Variants in EYS observed in about 807,000 individuals in gnomAD.
EYS encodes the protein protein eyes shut homolog.
In EYS, 250 loss-of-function variants were observed where a neutral mutation model predicts 282.1. The observed-to-expected ratio is 0.89, with a 90% CI of 0.80 to 0.98. The LOEUF is 0.98. Among genes scored for constraint, EYS ranks in the 50% least tolerant of loss-of-function variants. The probability of loss-of-function intolerance (pLI) is 0.00; values close to 1 mark genes in which losing one functional copy is unlikely to be tolerated. For synonymous variants in EYS, 1,355 were observed against 1,282.9 expected, an observed-to-expected ratio of 1.06 and a Z score of -1.20; for missense variants, 4,016 against 3,709.0, an observed-to-expected ratio of 1.08 and a Z score of -2.15.
At chr6:65,078,179 G>T (rs969807281) in intron 12 of EYS, among the ~76,000 whole-genome samples, 1 of 152,004 alleles carries the variant, frequency 6.6e-6, no homozygotes, top group East Asian at 1.9e-4. Flanking sequence ...TATTCTAGTA[G>T]TCTCACATAT....
chr6:65,592,935 A>G (rs967207086), intron 2 of EYS, among the ~76,000 whole-genome samples: 2 of 152,026 alleles, frequency 1.3e-5, no homozygotes, highest in African/African-American at 4.8e-5. Context: ...GCACAACATT[A>G]TGGACAACAG....
chr6:65,435,050 C>T (rs1480073519), intron 5 of EYS, among the ~76,000 whole-genome samples: 2 of 151,568 alleles, frequency 1.3e-5, no homozygotes, highest in African/African-American at 4.8e-5. Context: ...ATTAATATCA[C>T]ACATCTAAAG....
intron 29 of EYS, among the ~76,000 whole-genome samples, chr6:64,385,621 CT>C (rs1427166945): frequency 6.6e-6 from 1 of 152,150 alleles, no homozygotes; most frequent in Non-Finnish European, 1.5e-5. Context: ...GAGAAAAAGT[CT>C]TTCGAAATTT....
Position 64,439,250 on chromosome 6 carries a change from G to A in EYS, c.5747C>T (p.Ser1916Phe), listed in dbSNP as rs1263284113. The A allele has an allele frequency of 7.3e-6, 11 of 1,512,988 alleles. No homozygotes were observed. The South Asian group carries it at 1.3e-4, about 18-fold the overall frequency. 93.7% of individuals were successfully genotyped at this position (1,512,988 alleles called of 1,614,324 possible). Residue 1916 changes from serine to phenylalanine, a missense_variant, in exon 27 of 43, where the codon TCC (serine) becomes TTC (phenylalanine). Ser to Phe is a radical substitution (Grantham distance 155, BLOSUM62 -2). Coordinates refer to ENST00000503581, the MANE Select transcript of EYS (RefSeq NM_001142800.2). ...CTTGACATACAGCAGAAGTCCATAG[G>A]AGCTGAAGGTCTGAAATTCTAGGGA... The part of the protein sequence containing the change: ...NISLEFQTFS[S>F]YGLLLYVKQD...
chr6:63,970,594 C>T (rs947768372), intron 35 of EYS, among the ~76,000 whole-genome samples: 35 of 150,944 alleles, frequency 2.3e-4, no homozygotes, highest in Non-Finnish European at 4.4e-4. Flanking sequence ...GAGATCACAC[C>T]GCTGCACTCC....
intron 12 of EYS, among the ~76,000 whole-genome samples, chr6:65,106,543 G>T (rs1049666033): frequency 2.0e-5 from 3 of 152,000 alleles, no homozygotes; most frequent in African/African-American, 4.8e-5. Flanking sequence ...ATACCTACGT[G>T]AGCATTAAAG....
intron 35 of EYS, among the ~76,000 whole-genome samples, chr6:63,881,180 C>A (rs940687726): frequency 6.6e-6 from 1 of 152,134 alleles, no homozygotes; most frequent in Non-Finnish European, 1.5e-5. Context: ...TTGGGGGGAT[C>A]GTTTTAAGCT....
At chr6:65,162,615 T>A (rs1561997959) in intron 12 of EYS, among the ~76,000 whole-genome samples, 1 of 150,974 alleles carries the variant, frequency 6.6e-6, no homozygotes, top group Non-Finnish European at 1.5e-5. Context: ...TATTTTATTT[T>A]ATTTTTTTGG....
intron 22 of EYS, among the ~76,000 whole-genome samples, chr6:64,789,832 G>T (rs746399936): frequency 1.5e-4 from 23 of 151,518 alleles, no homozygotes; most frequent in Non-Finnish European, 2.7e-4. Context: ...TATCTGATAA[G>T]CCAGCATCCA....
chr6:64,338,416 C>T (rs1437865059), intron 29 of EYS, among the ~76,000 whole-genome samples: 2 of 151,746 alleles, frequency 1.3e-5, no homozygotes. Flanking sequence ...AGGAATATAC[C>T]TAACCAAGGA....
chr6:64,664,062 A>G (rs1050052315), intron 22 of EYS, among the ~76,000 whole-genome samples: 1 of 152,224 alleles, frequency 6.6e-6, no homozygotes, highest in African/African-American at 2.4e-5. Context: ...AGTAAGCGGC[A>G]GGTCTGCAAC....
At chr6:65,046,475 C>T (rs1773104558) in intron 13 of EYS, among the ~76,000 whole-genome samples, 1 of 151,786 alleles carries the variant, frequency 6.6e-6, no homozygotes, top group Admixed American at 6.6e-5. Context: ...CTTCTATGAA[C>T]TTTTTTCTTC....
chr6:65,244,912 G>T (rs1359936544), intron 12 of EYS, among the ~76,000 whole-genome samples: 1 of 152,018 alleles, frequency 6.6e-6, no homozygotes, highest in Non-Finnish European at 1.5e-5. Context: ...CTATATTTAT[G>T]ATCTTTAGAC....
chr6:65,299,405 AC>A (rs748168723), intron 11 of EYS, among the ~76,000 whole-genome samples: 6 of 150,238 alleles, frequency 4.0e-5, no homozygotes, highest in Admixed American at 1.3e-4. Context: ...CCTTCCCCTG[AC>A]CCCCCCCAAA....
chr6:64,533,878 T>C (rs77826807), intron 26 of EYS, among the ~76,000 whole-genome samples: 1,739 of 151,906 alleles, frequency 0.011, 40 homozygotes, highest in African/African-American at 0.04. Flanking sequence ...AGATGGTTGA[T>C]TGGTTAAAGC....
chr6:65,498,029 T>C (rs1358033769), intron 2 of EYS, among the ~76,000 whole-genome samples: 5 of 151,976 alleles, frequency 3.3e-5, no homozygotes, highest in Non-Finnish European at 7.4e-5. Context: ...GCAATACAAA[T>C]ATAACACTCG....
intron 11 of EYS, 64 bp downstream of exon 11, chr6:65,334,916 G>A: frequency 6.9e-7 from 1 of 1,458,256 alleles, no homozygotes; most frequent in African/African-American, 1.4e-5. Context: ...ACAGTTCGAT[G>A]ACTATCAATT....
At chr6:64,577,740 G>T (rs1205703533) in intron 26 of EYS, among the ~76,000 whole-genome samples, 2 of 151,980 alleles carry the variant, frequency 1.3e-5, no homozygotes, top group South Asian at 2.1e-4. Context: ...TGTGCCTCAG[G>T]GTTGTAATAA....
intron 18 of EYS, among the ~76,000 whole-genome samples, chr6:64,890,459 T>G (rs1238306068): frequency 1.3e-5 from 2 of 152,132 alleles, no homozygotes; most frequent in Non-Finnish European, 2.9e-5. Context: ...CGCCCAGCTT[T>G]AAAATTTCCC....
Sources: gnomAD v4.1 joint callset for allele counts (sites outside exome capture counted in the v4.1 genomes callset) on GRCh38, gnomAD v4.1.1 for gene constraint, MANE v1.5 for transcripts, NCBI Gene and HGNC (gene_info 2026-07-23, HGNC 2026-07-21) for gene names.